The following FRMPD4 variants were observed in gnomAD, a reference collection of about 807,000 sequenced individuals.
The protein encoded by FRMPD4 is FERM and PDZ domain-containing protein 4.
In FRMPD4, 22 loss-of-function variants were observed where a neutral mutation model predicts 94.1. The ratio of observed to expected loss-of-function variants is 0.23; its 90% confidence interval spans 0.17 to 0.33. FRMPD4 has a LOEUF of 0.33. FRMPD4 is among the 10% of genes least tolerant of loss of function. FRMPD4 has a pLI of 1.00. For missense variants in FRMPD4, 1,111 were observed against 1,339.9 expected (o/e 0.83, Z 2.67); for synonymous variants, 631 against 548.6 (o/e 1.15, Z -2.10).
intron 3 of FRMPD4, among the ~76,000 whole-genome samples, chrX:11,934,146 G>A (rs1198195736): frequency 1.8e-5 from 2 of 111,967 alleles, no homozygotes; most frequent in African/African-American, 6.5e-5. Context: ...TACTATGCTG[G>A]GTAGATGGGA....
At chrX:12,073,021 A>G (rs2147473813) in intron 3 of FRMPD4, among the ~76,000 whole-genome samples, 1 of 111,249 alleles carries the variant, frequency 9.0e-6, no homozygotes, top group Non-Finnish European at 1.9e-5. Flanking sequence ...CTTTTGCAAC[A>G]TGCTTTTTCT....
chrX:12,445,087 T>A (rs2057179782), intron 1 of FRMPD4, among the ~76,000 whole-genome samples: 1 of 111,997 alleles, frequency 8.9e-6, no homozygotes, highest in African/African-American at 3.2e-5. Context: ...GCTTTCATGA[T>A]GGATGAGGTG....
In FRMPD4 at chrX:12,594,442, T is replaced by TATTC. The variant is rs1158309871; in HGVS notation, c.159-15276_159-15275insCATT. ...AACCCCATTTATTTATTTATTTATT[T>TATTC]ATTTATTTTTTGAGATGGAGTCTCA... On this transcript the variant is annotated intron_variant, in intron 2 of 16. Coordinates refer to ENST00000675598, the MANE Select transcript of FRMPD4 (RefSeq NM_001368397.1). Among the ~76,000 whole-genome samples the TATTC allele has an allele frequency of 4.5e-5, 5 of 110,785 alleles. No homozygotes were observed. The East Asian group carries it at 1.4e-3, about 31-fold the overall frequency.
chrX:12,034,291 G>A (rs1432856659), intron 3 of FRMPD4, among the ~76,000 whole-genome samples: 1 of 112,058 alleles, frequency 8.9e-6, no homozygotes, highest in East Asian at 2.8e-4. Flanking sequence ...TGCAGTCTTC[G>A]TTGTAGGGCT....
chrX:12,324,405 C>G (rs2055254917), intron 1 of FRMPD4, among the ~76,000 whole-genome samples: 1 of 112,271 alleles, frequency 8.9e-6, no homozygotes, highest in Non-Finnish European at 1.9e-5. Flanking sequence ...TTTGTTCAAA[C>G]CATAGCTTCT....
chrX:11,867,124 G>C (rs1395847007), intron 2 of FRMPD4, among the ~76,000 whole-genome samples: 1 of 111,151 alleles, frequency 9.0e-6, no homozygotes, highest in Non-Finnish European at 1.9e-5. Flanking sequence ...TATCTCTATA[G>C]CTGTATATAT....
chrX:12,578,040 A>C (rs2058828916), intron 2 of FRMPD4, among the ~76,000 whole-genome samples: 1 of 112,697 alleles, frequency 8.9e-6, no homozygotes, highest in Admixed American at 9.3e-5. Context: ...CTGTCTTCAC[A>C]TGGTAGACAG....
intron 2 of FRMPD4, among the ~76,000 whole-genome samples, chrX:12,528,482 A>T (rs1268441877): frequency 1.8e-5 from 2 of 108,847 alleles, no homozygotes; most frequent in Non-Finnish European, 3.8e-5. Flanking sequence ...CACCACGCCC[A>T]GCTAATTTTT....
chrX:12,683,263 GT>G (rs1216837404), intron 5 of FRMPD4, among the ~76,000 whole-genome samples: 2 of 112,088 alleles, frequency 1.8e-5, no homozygotes, highest in African/African-American at 6.5e-5. Flanking sequence ...ATGGAACATA[GT>G]GGTGGTAGTT....
rs1279521548 is a variant in FRMPD4, at chrX:12,261,092, T to C, written c.41+122080T>C. On this transcript the variant is annotated intron_variant, in intron 1 of 16. Transcript: ENST00000675598. ...TCCCAGTACCGACCTAACATAGCAG[T>C]TTCTGAAGCATAGTAGATGCTAAGT... 5.4e-5 allele frequency among the ~76,000 whole-genome samples: 6 copies of C among 111,461 alleles called. No individual in the cohort carries two copies. The Admixed American group carries it at 5.7e-4, about 11-fold the overall frequency.
intron 2 of FRMPD4, among the ~76,000 whole-genome samples, chrX:11,874,677 G>A (rs1471678470): frequency 1.8e-5 from 2 of 111,581 alleles, no homozygotes; most frequent in Non-Finnish European, 3.8e-5. Context: ...TGCAATGTAG[G>A]GCAGAATGTG....
chrX:12,347,971 A>G (rs2055740746), intron 1 of FRMPD4, among the ~76,000 whole-genome samples: 1 of 112,177 alleles, frequency 8.9e-6, no homozygotes, highest in Admixed American at 9.5e-5. Flanking sequence ...GCAGTATTTC[A>G]TATGTAAACA....
intron 3 of FRMPD4, among the ~76,000 whole-genome samples, chrX:11,912,840 G>T (rs1050933815): frequency 1.8e-5 from 2 of 111,077 alleles, no homozygotes; most frequent in Non-Finnish European, 3.8e-5. Flanking sequence ...GTAGAAAAAT[G>T]GTGAAGGGGC....
At chrX:12,473,358 A>C (rs1386019194) in intron 1 of FRMPD4, among the ~76,000 whole-genome samples, 2 of 110,156 alleles carry the variant, frequency 1.8e-5, no homozygotes. Flanking sequence ...CACTGCAAAA[A>C]CATGCCAAAT....
chrX:12,221,224 T>C (rs907811132), intron 1 of FRMPD4, among the ~76,000 whole-genome samples: 2 of 112,483 alleles, frequency 1.8e-5, no homozygotes, highest in African/African-American at 3.2e-5. Context: ...CATTTACATA[T>C]GCTTCTGACT....
intron 4 of FRMPD4, among the ~76,000 whole-genome samples, chrX:12,661,530 A>C (rs754373409): frequency 1.2e-3 from 139 of 111,979 alleles, no homozygotes; most frequent in Non-Finnish European, 2.0e-3. Flanking sequence ...TGGCTTCATT[A>C]TGCCCATTTT....
At chrX:12,553,507 G>A (rs1433223814) in intron 2 of FRMPD4, among the ~76,000 whole-genome samples, 1 of 93,393 alleles carries the variant, frequency 1.1e-5, no homozygotes, top group Non-Finnish European at 2.0e-5. Context: ...ACTTCATGTA[G>A]CATTTGCCTC....
At chrX:12,112,293 C>T (rs778089176) in intron 3 of FRMPD4, among the ~76,000 whole-genome samples, 1 of 111,305 alleles carries the variant, frequency 9.0e-6, no homozygotes, top group South Asian at 3.8e-4. Flanking sequence ...TGGAAACCAT[C>T]ATTCTCAGCA....
intron 2 of FRMPD4, among the ~76,000 whole-genome samples, chrX:12,572,963 C>T (rs772315879): frequency 1.7e-4 from 19 of 112,011 alleles, no homozygotes; most frequent in Non-Finnish European, 2.3e-4. Flanking sequence ...CTCTAAGCAG[C>T]CCTCTTTCTG....
Sources: gnomAD v4.1 joint callset for allele counts (sites outside exome capture counted in the v4.1 genomes callset) on GRCh38, gnomAD v4.1.1 for gene constraint, MANE v1.5 for transcripts, NCBI Gene and HGNC (gene_info 2026-07-23, HGNC 2026-07-21) for gene names.